PTPRD: variants seen among roughly 807,000 people sequenced by gnomAD.
PTPRD encodes the protein protein tyrosine phosphatase receptor type D.
In PTPRD, 34 loss-of-function variants were observed where a neutral mutation model predicts 214.5. The ratio of observed to expected loss-of-function variants is 0.16; its 90% confidence interval spans 0.12 to 0.21. PTPRD has a LOEUF of 0.21. Ranked by LOEUF, PTPRD falls within the 10% of genes least tolerant of loss-of-function variation. The pLI, the probability that PTPRD is intolerant of heterozygous loss-of-function variation, is 1.00. For synonymous variants in PTPRD, 1,128 were observed against 845.7 expected (o/e 1.33, Z -5.79); for missense variants, 2,545 against 2,398.7 (o/e 1.06, Z -1.27).
chr9:10,528,874 T>A (rs932445598), intron 2 of PTPRD, among the ~76,000 whole-genome samples: 15 of 152,158 alleles, frequency 9.9e-5, no homozygotes, highest in Non-Finnish European at 1.8e-4. Flanking sequence ...TTAAAAGAAA[T>A]TAAACATAAT....
At chr9:10,483,699 G>T (rs1272554770) in intron 2 of PTPRD, among the ~76,000 whole-genome samples, 1 of 151,964 alleles carries the variant, frequency 6.6e-6, no homozygotes, top group African/African-American at 2.4e-5. Context: ...AATCATCAGG[G>T]AATTACAAAT....
At position 9,467,574 on chromosome 9, in the gene PTPRD, G is replaced by A. The variant is rs534695814; in HGVS notation, c.-236-70092C>T. ...TGCACTCCAGCCTGGGCGACAGAGC[G>A]GGACTCCATCTCCCAAAAAAAAAAA... On this transcript the variant is annotated intron_variant, in intron 8 of 45. Transcript: ENST00000381196. Among the ~76,000 whole-genome samples, 15 of 52,112 alleles carry A rather than the reference G, an allele frequency of 2.9e-4. No homozygotes were observed. In the East Asian group the frequency reaches 3.0e-3, roughly 11 times the overall value. The allele number at this position is 52,112 out of a possible 152,430, so 34.2% of individuals were successfully genotyped here.
At chr9:10,284,846 C>A (rs552809808) in intron 3 of PTPRD, among the ~76,000 whole-genome samples, 2 of 152,164 alleles carry the variant, frequency 1.3e-5, no homozygotes, top group East Asian at 1.9e-4. Flanking sequence ...AAGGATTCCC[C>A]CTGATAAGGT....
At chr9:8,609,005 C>A (rs2095344303) in intron 14 of PTPRD, among the ~76,000 whole-genome samples, 1 of 152,164 alleles carries the variant, frequency 6.6e-6, no homozygotes, top group South Asian at 2.1e-4. Flanking sequence ...CCACATATCA[C>A]CTCTATAATT....
At chr9:10,129,738 A>G (rs2098845593) in intron 3 of PTPRD, among the ~76,000 whole-genome samples, 1 of 152,012 alleles carries the variant, frequency 6.6e-6, no homozygotes, top group Non-Finnish European at 1.5e-5. Context: ...TCTTGTATGT[A>G]AATGTCATTT....
chr9:10,497,757 A>G (rs1270037780), intron 2 of PTPRD, among the ~76,000 whole-genome samples: 2 of 152,052 alleles, frequency 1.3e-5, no homozygotes, highest in East Asian at 1.9e-4. Flanking sequence ...TATGTAATAT[A>G]TATTTACGAA....
intron 8 of PTPRD, among the ~76,000 whole-genome samples, chr9:9,409,860 C>T (rs72702527): frequency 0.068 from 10,360 of 151,852 alleles, 425 homozygotes; most frequent in Middle Eastern, 0.13. Context: ...AATATTTTTT[C>T]GGCATATACA....
chr9:10,012,195 G>GC (rs2096614575), intron 4 of PTPRD, among the ~76,000 whole-genome samples: 1 of 151,752 alleles, frequency 6.6e-6, no homozygotes, highest in Non-Finnish European at 1.5e-5. Context: ...TTGAAGAATT[G>GC]TAAAAAAGTA....
chr9:8,793,835 G>A (rs779212885), intron 11 of PTPRD, among the ~76,000 whole-genome samples: 1 of 152,122 alleles, frequency 6.6e-6, no homozygotes, highest in Admixed American at 6.5e-5. Flanking sequence ...ATCTAGGTTT[G>A]TATTTTTGAG....
At chr9:9,325,567 G>A (rs1401880306) in intron 9 of PTPRD, among the ~76,000 whole-genome samples, 2 of 152,058 alleles carry the variant, frequency 1.3e-5, no homozygotes, top group Non-Finnish European at 2.9e-5. Flanking sequence ...TGCTGAAGTT[G>A]CCTATCAGCC....
At chr9:9,476,531 A>T (rs747285968) in intron 8 of PTPRD, among the ~76,000 whole-genome samples, 1 of 152,148 alleles carries the variant, frequency 6.6e-6, no homozygotes, top group African/African-American at 2.4e-5. Flanking sequence ...TCTTAGCTTG[A>T]CAGAAAACTC....
chr9:9,426,287 C>T (rs2382007), intron 8 of PTPRD, among the ~76,000 whole-genome samples: 28 of 152,250 alleles, frequency 1.8e-4, no homozygotes, highest in South Asian at 6.2e-4. Context: ...GAGGGTCCCA[C>T]GCCCATGGAG....
chr9:8,464,030 C>A (rs1163005594), intron 32 of PTPRD, among the ~76,000 whole-genome samples: 1 of 151,792 alleles, frequency 6.6e-6, no homozygotes, highest in African/African-American at 2.4e-5. Flanking sequence ...GGAAAAAATT[C>A]TTGATTCTGT....
intron 12 of PTPRD, 76 bp downstream of exon 12, chr9:8,733,704 C>A (rs966732667): frequency 3.5e-6 from 5 of 1,441,700 alleles, no homozygotes; most frequent in Non-Finnish European, 4.8e-6. Context: ...ATTCAGAGGC[C>A]CTGAGCCTGG....
intron 7 of PTPRD, among the ~76,000 whole-genome samples, chr9:9,634,783 T>A (rs925063633): frequency 2.0e-5 from 3 of 152,168 alleles, no homozygotes; most frequent in Non-Finnish European, 4.4e-5. Context: ...GAGTTAAGTG[T>A]ATAATATAAC....
chr9:8,919,027 GATGTATGC>G, intron 11 of PTPRD, among the ~76,000 whole-genome samples: 1 of 152,244 alleles, frequency 6.6e-6, no homozygotes, highest in East Asian at 1.9e-4. Flanking sequence ...ACCCACAGTG[GATGTATGC>G]AGATCCTTTT....
intron 11 of PTPRD, among the ~76,000 whole-genome samples, chr9:8,769,328 C>G (rs539472755): frequency 1.3e-5 from 2 of 152,236 alleles, no homozygotes; most frequent in African/African-American, 4.8e-5. Context: ...AACACTAGTA[C>G]TGAGAACTAA....
At chr9:10,239,840 A>T (rs943687761) in intron 3 of PTPRD, among the ~76,000 whole-genome samples, 1 of 151,880 alleles carries the variant, frequency 6.6e-6, no homozygotes, top group Non-Finnish European at 1.5e-5. Flanking sequence ...CTTGCCCCTC[A>T]GTCTCCCCTG....
chr9:10,175,273 T>C (rs1298190405), intron 3 of PTPRD, among the ~76,000 whole-genome samples: 5 of 152,020 alleles, frequency 3.3e-5, no homozygotes, highest in Non-Finnish European at 7.4e-5. Context: ...TATACTACTA[T>C]TATTTATTGT....
Sources: allele counts gnomAD v4.1 joint callset (sites outside exome capture counted in the v4.1 genomes callset), GRCh38; gene constraint gnomAD v4.1.1; transcripts MANE v1.5; gene names NCBI Gene and HGNC (gene_info 2026-07-23, HGNC 2026-07-21).